The following CFAP299 variants were observed in gnomAD, a reference collection of about 807,000 sequenced individuals.
CFAP299 encodes the protein cilia- and flagella-associated protein 299.
Under a neutral mutation model 27.0 loss-of-function variants are expected in CFAP299, and 21 were observed. The ratio of observed to expected loss-of-function variants is 0.78; its 90% CI spans 0.55 to 1.12. The LOEUF is 1.12. Among genes scored for constraint, CFAP299 ranks in the 50% most tolerant of loss-of-function variants. CFAP299 has a pLI of 0.00. For synonymous variants in CFAP299, 104 were observed against 98.1 expected, an observed-to-expected ratio of 1.06 and a Z score of -0.36; for missense variants, 310 against 276.6, an observed-to-expected ratio of 1.12 and a Z score of -0.86.
chr4:80,503,467 GT>G (rs1347248173), intron 2 of CFAP299, among the ~76,000 whole-genome samples: 1 of 152,098 alleles, frequency 6.6e-6, no homozygotes, highest in Non-Finnish European at 1.5e-5. Context: ...TTATGAGGCT[GT>G]ATAATGTTCT....
At chr4:80,667,670 G>T (rs1741210000) in intron 3 of CFAP299, among the ~76,000 whole-genome samples, 1 of 151,900 alleles carries the variant, frequency 6.6e-6, no homozygotes, top group Admixed American at 6.6e-5. Context: ...TTCTTTTTTA[G>T]GCTGAATAAT....
rs70944772 is a variant in CFAP299 at position 80,355,354 on chromosome 4, C to CTTTT, written c.112-7382_112-7379dup. ...TTTTGAAAAGTGTTCATGTCCTTTG[C>CTTTT]TTTTTTTTTTTTTTTTTTTTTGAGA... On this transcript the variant is annotated intron_variant, in intron 1 of 5. Coordinates refer to ENST00000358105, the MANE Select transcript of CFAP299 (RefSeq NM_152770.3). Among the ~76,000 whole-genome samples, 80 of 95,492 alleles carry CTTTT rather than the reference C, an allele frequency of 8.4e-4. 1 individual carries two copies. The highest frequency in any genetic ancestry group is 9.7e-4 in the Non-Finnish European group (51 of 52,504). The allele number at this position is 95,492 out of a possible 152,430, so 62.6% of individuals were successfully genotyped here. A position where few individuals can be genotyped will look rare whatever the true frequency, so the allele number is the denominator to read the frequency against.
chr4:80,941,569 A>C (rs1320815481), intron 4 of CFAP299, among the ~76,000 whole-genome samples: 1 of 152,200 alleles, frequency 6.6e-6, no homozygotes, highest in African/African-American at 2.4e-5. Flanking sequence ...CATTTCTCCA[A>C]AGTCCAAATA....
At chr4:80,401,383 G>A (rs762765838) in intron 2 of CFAP299, among the ~76,000 whole-genome samples, 24 of 152,202 alleles carry the variant, frequency 1.6e-4, no homozygotes, top group South Asian at 6.2e-4. Context: ...CAGGGTTCTC[G>A]TGCTGTGTGC....
intron 3 of CFAP299, among the ~76,000 whole-genome samples, chr4:80,625,777 A>T (rs1027587857): frequency 1.3e-5 from 2 of 151,988 alleles, no homozygotes; most frequent in African/African-American, 2.4e-5. Flanking sequence ...GTAAAACTGT[A>T]AAAAGAAAAA....
chr4:80,651,347 C>CT (rs1740276227), intron 3 of CFAP299, among the ~76,000 whole-genome samples: 1 of 145,832 alleles, frequency 6.9e-6, no homozygotes, highest in African/African-American at 2.6e-5. Context: ...CTCCTTCCTT[C>CT]TTCTTTCTTT....
chr4:80,930,207 C>A (rs2110217967), intron 4 of CFAP299, among the ~76,000 whole-genome samples: 1 of 152,282 alleles, frequency 6.6e-6, no homozygotes, highest in Non-Finnish European at 1.5e-5. Flanking sequence ...GGACAGGGTT[C>A]AAAGGGCTTC....
intron 3 of CFAP299, among the ~76,000 whole-genome samples, chr4:80,614,650 T>C (rs1387859581): frequency 6.6e-6 from 1 of 152,186 alleles, no homozygotes; most frequent in Non-Finnish European, 1.5e-5. Flanking sequence ...CAATGCTTTT[T>C]CATTCCTTTC....
chr4:80,344,336 C>T (rs886834867), intron 1 of CFAP299, among the ~76,000 whole-genome samples: 7 of 151,654 alleles, frequency 4.6e-5, no homozygotes, highest in Admixed American at 2.0e-4. Flanking sequence ...ACTGACCCCA[C>T]AAAAATACAA....
intron 2 of CFAP299, among the ~76,000 whole-genome samples, chr4:80,421,603 AAAC>A (rs1457254284): frequency 1.3e-5 from 2 of 152,180 alleles, no homozygotes; most frequent in African/African-American, 4.8e-5. Context: ...GGAGGAGCAA[AAAC>A]AACAAGATGA....
intron 3 of CFAP299, among the ~76,000 whole-genome samples, chr4:80,644,827 T>A (rs565376472): frequency 6.6e-6 from 1 of 152,138 alleles, no homozygotes; most frequent in African/African-American, 2.4e-5. Flanking sequence ...TAGGCTTCAA[T>A]GTGAAATGAA....
intron 2 of CFAP299, among the ~76,000 whole-genome samples, chr4:80,425,587 T>C (rs1727493866): frequency 1.3e-5 from 2 of 152,198 alleles, no homozygotes; most frequent in African/African-American, 4.8e-5. Context: ...CTAGGTCTTT[T>C]CACTTAGAAT....
In CFAP299 at chr4:80,947,311, C is replaced by T. The variant is rs571094138; in HGVS notation, c.606+2372C>T. ...CGAGACATACAACAACATTTGGATACGTATATTTCTTTAAATTTTAATTTT... is the reference window on the plus strand; with the variant it reads ...CGAGACATACAACAACATTTGGATATGTATATTTCTTTAAATTTTAATTTT... On this transcript the variant is annotated intron_variant, in intron 5 of 5. Coordinates refer to ENST00000358105, the MANE Select transcript of CFAP299 (RefSeq NM_152770.3). Among the ~76,000 whole-genome samples, 17 of 152,104 alleles carry T rather than the reference C, an allele frequency of 1.1e-4. No homozygotes were observed. In the East Asian group the frequency reaches 1.4e-3, roughly 12 times the overall value.
At chr4:80,962,572 AAG>A (rs1192127195) in intron 5 of CFAP299, among the ~76,000 whole-genome samples, 3 of 151,922 alleles carry the variant, frequency 2.0e-5, no homozygotes, top group South Asian at 2.1e-4. Context: ...AATTTAAAAA[AAG>A]AGTTGTAAAA....
At chr4:80,684,054 C>T (rs1010208449) in intron 3 of CFAP299, among the ~76,000 whole-genome samples, 1 of 152,110 alleles carries the variant, frequency 6.6e-6, no homozygotes, top group Non-Finnish European at 1.5e-5. Flanking sequence ...TCTGTTGACT[C>T]CAGTATAGTT....
intron 2 of CFAP299, among the ~76,000 whole-genome samples, chr4:80,429,292 T>G (rs948903389): frequency 6.6e-6 from 1 of 152,048 alleles, no homozygotes; most frequent in Non-Finnish European, 1.5e-5. Flanking sequence ...TCATGTAGTC[T>G]TTTGCCTATA....
intron 3 of CFAP299, among the ~76,000 whole-genome samples, chr4:80,751,852 G>A (rs1724944012): frequency 6.6e-6 from 1 of 152,100 alleles, no homozygotes; most frequent in Non-Finnish European, 1.5e-5. Context: ...TTAGAAGTGG[G>A]GCCCACAGAA....
At chr4:80,960,332 A>G (rs911921881) in intron 5 of CFAP299, among the ~76,000 whole-genome samples, 5 of 151,870 alleles carry the variant, frequency 3.3e-5, no homozygotes, top group Admixed American at 6.6e-5. Flanking sequence ...GCACAAAACC[A>G]TTTTTATATT....
In CFAP299 at chr4:80,605,305, A is replaced by G. The variant is rs144135649; in HGVS notation, c.333+22122A>G. On this transcript the variant is annotated intron_variant, in intron 3 of 5. Transcript: ENST00000358105. Reference sequence around the variant, plus strand: ...CAAATGCTTAATGAACTTATCTATGACTTTATTTTCCAAAGGTAAAAAGTG... The same window carrying G: ...CAAATGCTTAATGAACTTATCTATGGCTTTATTTTCCAAAGGTAAAAAGTG... 9.6e-3 allele frequency among the ~76,000 whole-genome samples: 1,466 copies of G among 152,330 alleles called. 20 individuals carry two copies. The highest frequency in any genetic ancestry group is 0.07 in the South Asian group (337 of 4,824).
Sources: gnomAD v4.1 joint callset for allele counts (sites outside exome capture counted in the v4.1 genomes callset) on GRCh38, gnomAD v4.1.1 for gene constraint, MANE v1.5 for transcripts, NCBI Gene and HGNC (gene_info 2026-07-23, HGNC 2026-07-21) for gene names.